Variants in LPIN2 observed in about 807,000 individuals in gnomAD.
The protein encoded by LPIN2 is lipin 2, also known as phosphatidate phosphatase LPIN2.
A neutral mutation model predicts 111.4 loss-of-function variants in LPIN2; 55 were observed. The ratio of observed to expected loss-of-function variants is 0.49; its 90% CI spans 0.40 to 0.62. The LOEUF is 0.62. Among genes scored for constraint, LPIN2 ranks in the 20% least tolerant of loss-of-function variants. The probability of loss-of-function intolerance (pLI) is 0.00; values close to 1 mark genes in which losing one functional copy is unlikely to be tolerated. For missense variants in LPIN2, 992 were observed against 1,112.1 expected (o/e 0.89, Z 1.54); for synonymous variants, 425 against 414.0 (o/e 1.03, Z -0.32).
chr18:2,937,196 G>A (rs1226404173), intron 7 of LPIN2, among the ~76,000 whole-genome samples: 1 of 152,042 alleles, frequency 6.6e-6, no homozygotes, highest in Non-Finnish European at 1.5e-5. Context: ...TGCAAGTCAG[G>A]CCCTGCTCCA....
chr18:2,925,152 A>G lies in LPIN2; in HGVS notation c.1938+72T>C. The G allele has an allele frequency of 6.4e-7, 1 of 1,573,936 alleles. No homozygotes were observed. On this transcript the variant is annotated intron_variant, in intron 14 of 19. Coordinates refer to ENST00000677752, the MANE Select transcript of LPIN2 (RefSeq NM_001375808.2). The surrounding 1 kb of genome is among the most constrained non-coding windows in gnomAD (Gnocchi z 4.1). The stretch of plus-strand genomic sequence containing the variant: ...ATGCAGCTGGGGACGTGTGGACAGA[A>G]GAGGATGTGCATCAAATTAAACCAT...
At chr18:2,938,455 T>C (rs997260508) in intron 6 of LPIN2, among the ~76,000 whole-genome samples, 4 of 152,050 alleles carry the variant, frequency 2.6e-5, no homozygotes, top group Admixed American at 2.0e-4. Flanking sequence ...ACCCAGGAGA[T>C]GGAGGTTGCA....
At chr18:2,922,871 T>C (rs1170463890) in intron 16 of LPIN2, among the ~76,000 whole-genome samples, 4 of 152,146 alleles carry the variant, frequency 2.6e-5, no homozygotes, top group Non-Finnish European at 5.9e-5. Context: ...ATAAAGGCAA[T>C]GTGCAAGATG....
chr18:2,974,105 G>T lies in LPIN2; in HGVS notation c.-9-13256C>A, dbSNP rs1407593639. On this transcript the variant is annotated intron_variant, in intron 1 of 19. Transcript: ENST00000677752. The stretch of plus-strand genomic sequence containing the variant: ...TTAGTTGTTGTTGTTGTTTTGTTTT[G>T]TTTTTTTGAGATGCAGTCTTGCTCT... Among the ~76,000 whole-genome samples the T allele has an allele frequency of 2.0e-5, 3 of 152,030 alleles. No individual in the cohort carries two copies. In the East Asian group the frequency reaches 5.8e-4, roughly 29 times the overall value.
intron 2 of LPIN2, among the ~76,000 whole-genome samples, chr18:2,958,981 C>T (rs1048603353): frequency 2.0e-5 from 3 of 151,838 alleles, no homozygotes; most frequent in African/African-American, 7.3e-5. Flanking sequence ...ACAATAGATC[C>T]ATACACAACT....
intron 1 of LPIN2, among the ~76,000 whole-genome samples, chr18:2,962,685 T>C (rs536769790): frequency 3.9e-5 from 6 of 152,360 alleles, no homozygotes; most frequent in Non-Finnish European, 8.8e-5. Flanking sequence ...CCTTTTCATA[T>C]TCTGTAGGTA....
chr18:2,945,327 A>C (rs1396601122), intron 4 of LPIN2, among the ~76,000 whole-genome samples: 3 of 152,234 alleles, frequency 2.0e-5, no homozygotes, highest in Non-Finnish European at 4.4e-5. Context: ...TATGGTTCCT[A>C]CCAGTAGGGA....
rs759843044 is a variant in LPIN2, at chr18:2,920,245, T to C, written c.*48A>G. The C allele has an allele frequency of 1.9e-6, 3 of 1,612,290 alleles. No homozygotes were observed. The East Asian group carries it at 6.7e-5, about 36-fold the overall frequency. On this transcript the variant is annotated 3_prime_UTR_variant, in exon 20 of 20. Coordinates refer to ENST00000677752, the MANE Select transcript of LPIN2 (RefSeq NM_001375808.2). Reference sequence around the variant, plus strand: ...AGCAGAAGAGCCAGCTGCCTTCCCTTGCTGTGGGGAGGGGGACCAAGCCCT... The same window carrying C: ...AGCAGAAGAGCCAGCTGCCTTCCCTCGCTGTGGGGAGGGGGACCAAGCCCT...
chr18:2,925,514 C>T lies in LPIN2; in HGVS notation c.1794-146G>A. On this transcript the variant is annotated intron_variant, in intron 13 of 19. Transcript: ENST00000677752. The surrounding 1 kb of genome is among the most constrained non-coding windows in gnomAD (Gnocchi z 4.1). ...CCCTTCTGCCATTCTCCCATATCCA[C>T]AGCTCTGTACGCCTGAAATATTCAT... is the stretch of plus-strand genomic sequence containing the variant. 1 of 1,058,296 alleles carries T rather than the reference C, an allele frequency of 9.4e-7. No individual in the cohort carries two copies. The highest frequency in any genetic ancestry group is 2.0e-5 in the Admixed American group (1 of 50,196). 65.6% of individuals were successfully genotyped at this position (1,058,296 alleles called of 1,614,324 possible).
At chr18:2,924,785 A>C (rs1191402617) in intron 14 of LPIN2, among the ~76,000 whole-genome samples, 1 of 151,938 alleles carries the variant, frequency 6.6e-6, no homozygotes. Flanking sequence ...AAGGTCTACT[A>C]CTCTTACTCC....
chr18:2,929,585 C>T (rs2077185891), intron 9 of LPIN2, among the ~76,000 whole-genome samples: 1 of 152,170 alleles, frequency 6.6e-6, no homozygotes, highest in Admixed American at 6.5e-5. Flanking sequence ...ACAGCTTTAG[C>T]AAGCTACATT....
At chr18:2,997,635 C>T (rs1598609713) in intron 1 of LPIN2, among the ~76,000 whole-genome samples, 1 of 152,294 alleles carries the variant, frequency 6.6e-6, no homozygotes, top group Middle Eastern at 3.4e-3. Context: ...CATATGGCAT[C>T]AATCATTGTT....
In LPIN2 at chr18:2,944,391, G is replaced by A. The variant is rs1174559739; in HGVS notation, c.591-3679C>T. 7.8e-5 allele frequency among the ~76,000 whole-genome samples: 9 copies of A among 114,876 alleles called. No homozygotes were observed. In the Admixed American group the frequency reaches 8.7e-4, roughly 11 times the overall value. 75.4% of individuals were successfully genotyped at this position (114,876 alleles called of 152,430 possible). ...TTTTGAGTCGGAGTCTGGCTCTGTC[G>A]CCCAGGCTGGAGTGCAGTGGCGCAA... On this transcript the variant is annotated intron_variant, in intron 4 of 19. Transcript: ENST00000677752.
At chr18:3,004,012 T>A (rs1323735907) in intron 1 of LPIN2, among the ~76,000 whole-genome samples, 2 of 148,480 alleles carry the variant, frequency 1.3e-5, no homozygotes. Context: ...GGGATTGTCT[T>A]ATGCAGTTGA....
intron 1 of LPIN2, among the ~76,000 whole-genome samples, chr18:3,009,120 C>T (rs2078562509): frequency 6.6e-6 from 1 of 152,048 alleles, no homozygotes. Context: ...ATTGTTTCGG[C>T]CAGGCGCGGT....
intron 4 of LPIN2, chr18:2,950,810 TC>T (rs533642942): frequency 2.7e-4 from 148 of 543,164 alleles, no homozygotes; most frequent in African/African-American, 2.6e-3. Flanking sequence ...CTTATTTGGC[TC>T]CTGGAAACTT....
At chr18:2,930,960 GCA>G (rs2077204093) in intron 9 of LPIN2, among the ~76,000 whole-genome samples, 1 of 152,190 alleles carries the variant, frequency 6.6e-6, no homozygotes, top group Non-Finnish European at 1.5e-5. Flanking sequence ...GAAAACTGGT[GCA>G]GTGTGATGAT....
chr18:2,961,656 T>C (rs937177356), intron 1 of LPIN2, among the ~76,000 whole-genome samples: 1 of 152,104 alleles, frequency 6.6e-6, no homozygotes, highest in African/African-American at 2.4e-5. Context: ...CTTGGCCCCA[T>C]CCCCAACTTT....
At chr18:2,952,004 T>C (rs1372335284) in intron 3 of LPIN2, among the ~76,000 whole-genome samples, 3 of 152,180 alleles carry the variant, frequency 2.0e-5, no homozygotes, top group Admixed American at 1.3e-4. Context: ...GGCCCAATAT[T>C]TAGAAGCAGT....
Sources: allele counts gnomAD v4.1 joint callset (sites outside exome capture counted in the v4.1 genomes callset), GRCh38; gene constraint gnomAD v4.1.1; non-coding constraint Gnocchi (gnomAD v3.1); transcripts MANE v1.5; gene names NCBI Gene and HGNC (gene_info 2026-07-23, HGNC 2026-07-21).